Variants in GRM8 observed in about 807,000 individuals in gnomAD.
The protein encoded by GRM8 is glutamate metabotropic receptor 8.
Under a neutral mutation model 87.2 loss-of-function variants are expected in GRM8, and 47 were observed. The ratio of observed to expected loss-of-function variants is 0.54; its 90% CI spans 0.43 to 0.69. GRM8 has a LOEUF of 0.69. GRM8 is among the 30% of genes least tolerant of loss of function. GRM8 has a pLI of 0.00. For synonymous variants in GRM8, 396 were observed against 404.5 expected (o/e 0.98, Z 0.25); for missense variants, 1,019 against 1,139.2 (o/e 0.89, Z 1.52).
At chr7:126,536,348 C>A (rs146351407) in intron 8 of GRM8, among the ~76,000 whole-genome samples, 33 of 152,292 alleles carry the variant, frequency 2.2e-4, no homozygotes, top group East Asian at 2.1e-3. Context: ...GAACTGTAGT[C>A]TTCAAGCTCT....
At chr7:127,070,040 T>C (rs1821520762) in intron 3 of GRM8, among the ~76,000 whole-genome samples, 1 of 152,246 alleles carries the variant, frequency 6.6e-6, no homozygotes, top group Non-Finnish European at 1.5e-5. Flanking sequence ...TCACGATTTA[T>C]TACCAATCTC....
chr7:126,769,729 C>G (rs951869175), intron 7 of GRM8, 136 bp downstream of exon 7: 1 of 606,670 alleles, frequency 1.6e-6, no homozygotes, highest in Non-Finnish European at 2.9e-6. Context: ...GGTGGAAAAA[C>G]TCACACTTCT....
At chr7:126,532,574 CCTT>C (rs1414590381) in intron 9 of GRM8, among the ~76,000 whole-genome samples, 1 of 151,796 alleles carries the variant, frequency 6.6e-6, no homozygotes, top group Non-Finnish European at 1.5e-5. Context: ...CTTTCTTCCT[CCTT>C]CTTTTAATTA....
chr7:127,092,964 C>T (rs1368717062), intron 3 of GRM8, among the ~76,000 whole-genome samples: 1 of 152,204 alleles, frequency 6.6e-6, no homozygotes, highest in South Asian at 2.1e-4. Flanking sequence ...CCAGGCCTAG[C>T]CTTCTGTGTG....
intron 7 of GRM8, among the ~76,000 whole-genome samples, chr7:126,749,007 C>G (rs977374581): frequency 6.6e-6 from 1 of 152,110 alleles, no homozygotes; most frequent in African/African-American, 2.4e-5. Context: ...ACCACAGTAC[C>G]TCACACCTGT....
intron 2 of GRM8, among the ~76,000 whole-genome samples, chr7:127,148,555 C>G (rs2133302678): frequency 6.6e-6 from 1 of 152,008 alleles, no homozygotes; most frequent in East Asian, 1.9e-4. Context: ...AGAACATTCT[C>G]CAGGATAGAC....
intron 3 of GRM8, among the ~76,000 whole-genome samples, chr7:127,086,106 T>C (rs1032846920): frequency 1.3e-5 from 2 of 152,174 alleles, no homozygotes; most frequent in African/African-American, 4.8e-5. Flanking sequence ...TTGATTGTTT[T>C]GTTTTGTTTT....
intron 9 of GRM8, chr7:126,512,727 A>G (rs896310355): frequency 6.6e-5 from 10 of 152,144 alleles, no homozygotes; most frequent in African/African-American, 2.4e-4. Context: ...AACCATGCAT[A>G]TAAGGTTGAA....
intron 6 of GRM8, among the ~76,000 whole-genome samples, chr7:126,861,164 C>A (rs1330569734): frequency 6.6e-6 from 1 of 152,002 alleles, no homozygotes; most frequent in African/African-American, 2.4e-5. Flanking sequence ...GCTGTGAATC[C>A]TTCCCTATCC....
intron 8 of GRM8, among the ~76,000 whole-genome samples, chr7:126,598,318 C>T (rs1585171599): frequency 6.6e-6 from 1 of 152,044 alleles, no homozygotes; most frequent in African/African-American, 2.4e-5. Context: ...AGAAACCTGC[C>T]TCCAACTGGA....
chr7:126,480,902 A>T (rs1277088473), intron 9 of GRM8, among the ~76,000 whole-genome samples: 1 of 152,044 alleles, frequency 6.6e-6, no homozygotes, highest in Non-Finnish European at 1.5e-5. Flanking sequence ...TGTAGAAGAC[A>T]TCGATCCCAG....
chr7:126,970,906 A>G (rs1039491310), intron 3 of GRM8, among the ~76,000 whole-genome samples: 1 of 152,130 alleles, frequency 6.6e-6, no homozygotes, highest in South Asian at 2.1e-4. Flanking sequence ...AGAGAGGGAC[A>G]GAGATGAGGG....
Position 126,552,688 on chromosome 7 carries a change from A to G in GRM8, c.1495-18801T>C, listed in dbSNP as rs575413626. Among the ~76,000 whole-genome samples, 8 of 152,260 alleles carry G rather than the reference A, an allele frequency of 5.3e-5. No homozygotes were observed. In the East Asian group the frequency reaches 1.5e-3, roughly 29 times the overall value. On this transcript the variant is annotated intron_variant, in intron 8 of 10. Transcript: ENST00000339582. Reference sequence around the variant, plus strand: ...ATTTGTTGGCCAAAGCATTTTAGCTAATTACATTTATTTAAAATGGTTATA... The same window carrying G: ...ATTTGTTGGCCAAAGCATTTTAGCTGATTACATTTATTTAAAATGGTTATA...
chr7:126,937,506 T>C (rs1435066920), intron 3 of GRM8, among the ~76,000 whole-genome samples: 1 of 152,080 alleles, frequency 6.6e-6, no homozygotes, highest in Non-Finnish European at 1.5e-5. Context: ...GGAGGGAAGC[T>C]ACCAATGAGG....
intron 3 of GRM8, among the ~76,000 whole-genome samples, chr7:126,945,790 T>G (rs184236791): frequency 8.5e-5 from 13 of 152,206 alleles, no homozygotes; most frequent in African/African-American, 3.1e-4. Context: ...GAGCTATACA[T>G]TTTGTCAAGG....
intron 3 of GRM8, chr7:127,084,527 T>C (rs992201526): frequency 2.6e-5 from 4 of 152,166 alleles, no homozygotes; most frequent in Non-Finnish European, 4.4e-5. Flanking sequence ...ATGTTACAGT[T>C]CTCTGTGGAC....
chr7:126,886,588 T>C (rs1471847214), intron 6 of GRM8, among the ~76,000 whole-genome samples: 1 of 152,160 alleles, frequency 6.6e-6, no homozygotes, highest in Admixed American at 6.5e-5. Flanking sequence ...CATTAATTTC[T>C]GAACAGGCTA....
At chr7:126,510,325 T>A (rs1258789564) in intron 9 of GRM8, among the ~76,000 whole-genome samples, 1 of 151,844 alleles carries the variant, frequency 6.6e-6, no homozygotes, top group Non-Finnish European at 1.5e-5. Context: ...TCAATATGAT[T>A]TAAGAGTTGA....
intron 3 of GRM8, among the ~76,000 whole-genome samples, chr7:126,932,032 A>C (rs1805820476): frequency 6.6e-6 from 1 of 152,188 alleles, no homozygotes; most frequent in African/African-American, 2.4e-5. Context: ...TGTAAATTTT[A>C]AAATAGCATC....
Sources: allele counts gnomAD v4.1 joint callset (sites outside exome capture counted in the v4.1 genomes callset), GRCh38; gene constraint gnomAD v4.1.1; transcripts MANE v1.5; gene names NCBI Gene and HGNC (gene_info 2026-07-23, HGNC 2026-07-21).